Variants in RELN observed in about 807,000 individuals in gnomAD.
The protein encoded by RELN is reelin.
Under a neutral mutation model 427.6 loss-of-function variants are expected in RELN, and 108 were observed. That is an observed-to-expected ratio of 0.25 (90% CI 0.22 to 0.30). RELN has a LOEUF of 0.30. Among genes scored for constraint, RELN ranks in the 10% least tolerant of loss-of-function variants. The probability of loss-of-function intolerance (pLI) is 1.00; values close to 1 mark genes in which losing one functional copy is unlikely to be tolerated. For synonymous variants in RELN, 1,524 were observed against 1,513.4 expected (o/e 1.01, Z -0.16); for missense variants, 3,715 against 4,302.8 (o/e 0.86, Z 3.82).
Position 103,545,155 on chromosome 7 carries a change from T to C in RELN, c.6492A>G (p.Lys2164=), listed in dbSNP as rs1289135212. 1 of 1,613,988 alleles carries C rather than the reference T, an allele frequency of 6.2e-7. No homozygotes were observed. The highest frequency in any genetic ancestry group is 1.1e-5 in the South Asian group (1 of 91,058). Residue 2164 remains lysine (K), a synonymous_variant, in exon 42 of 65, where the codon AAA becomes AAG. Coordinates refer to ENST00000428762, the MANE Select transcript of RELN (RefSeq NM_005045.4). ...YSGPTCKIST[K]NPDFLKDDFE... ...AATCATCTTTGAGAAAATCAGGATT[T>C]TTGGTGCTTATTTTACAGGTTGGAC...
chr7:103,684,448 T>G (rs1562955856), intron 10 of RELN, among the ~76,000 whole-genome samples: 1 of 152,176 alleles, frequency 6.6e-6, no homozygotes, highest in Non-Finnish European at 1.5e-5. Context: ...GCTTCCTTGG[T>G]TAGGCATTGC....
intron 36 of RELN, among the ~76,000 whole-genome samples, chr7:103,558,787 TA>T (rs3840639): frequency 0.23 from 34,924 of 152,142 alleles, 4,210 homozygotes; most frequent in Middle Eastern, 0.32. Flanking sequence ...GCAAATAGCC[TA>T]AGGTCCAGAC....
chr7:103,795,830 G>C (rs541594745), intron 3 of RELN, among the ~76,000 whole-genome samples: 1 of 152,196 alleles, frequency 6.6e-6, no homozygotes, highest in Admixed American at 6.5e-5. Flanking sequence ...TTCTGGATAA[G>C]TAGCAACAAG....
chr7:103,516,362 T>G (rs2117078772), intron 49 of RELN, among the ~76,000 whole-genome samples: 1 of 151,566 alleles, frequency 6.6e-6, no homozygotes, highest in East Asian at 1.9e-4. Flanking sequence ...CTCGGCTCAC[T>G]GCAACCTCCG....
intron 24 of RELN, among the ~76,000 whole-genome samples, chr7:103,602,883 G>T (rs1270403548): frequency 6.6e-6 from 1 of 152,084 alleles, no homozygotes; most frequent in African/African-American, 2.4e-5. Context: ...CAGGCAATCT[G>T]GCTCCAGAGT....
At chr7:103,683,739 A>G (rs1394855354) in intron 10 of RELN, among the ~76,000 whole-genome samples, 1 of 152,168 alleles carries the variant, frequency 6.6e-6, no homozygotes, top group Non-Finnish European at 1.5e-5. Flanking sequence ...TTGCTCTTTG[A>G]AAATTCTCTT....
Position 103,510,057 on chromosome 7 carries a change from C to A in RELN, c.8274+794G>T, listed in dbSNP as rs184557826. On this transcript the variant is annotated intron_variant, in intron 51 of 64. Transcript: ENST00000428762. ...CTGTTGGTGGGAGTGTAAAGTAGTGCAACCATCGTGGAAGACAGTGTGGCA... is the reference window on the plus strand; with the variant it reads ...CTGTTGGTGGGAGTGTAAAGTAGTGAAACCATCGTGGAAGACAGTGTGGCA... 3.9e-5 allele frequency among the ~76,000 whole-genome samples: 6 copies of A among 152,314 alleles called. No individual in the cohort carries two copies. The East Asian group carries it at 1.2e-3, about 29-fold the overall frequency.
intron 13 of RELN, among the ~76,000 whole-genome samples, chr7:103,653,186 G>C (rs1454549694): frequency 6.6e-6 from 1 of 152,044 alleles, no homozygotes; most frequent in African/African-American, 2.4e-5. Flanking sequence ...AAATAGGACA[G>C]AAACAACCAG....
rs1038416199 is a variant in RELN at position 103,661,490 on chromosome 7, C to G, written c.1327G>C (p.Gly443Arg). ...ATTGATAAGCCTGATTCTATCGTTC[C>G]ACATTCTGTACCAATGACAGCTCCC... ...VLGAVIGTEC[G>R]TIESGLSMVF... The change falls in exon 12 of 65, where the codon GGA becomes CGA. Residue 443 changes from glycine (G) to arginine (R), a missense_variant. Physicochemically the swap from Gly to Arg is moderately radical, Grantham distance 125. This residue lies in a region of RELN where 2,208 missense variants were observed against 2,361.7 expected (regional missense o/e 0.93). Coordinates refer to ENST00000428762, the MANE Select transcript of RELN (RefSeq NM_005045.4). 1 of 1,613,700 alleles carries G rather than the reference C, an allele frequency of 6.2e-7. No individual in the cohort carries two copies. The highest frequency in any genetic ancestry group is 8.5e-7 in the Non-Finnish European group (1 of 1,179,804).
chr7:103,793,574 G>C (rs1366093722), intron 3 of RELN, among the ~76,000 whole-genome samples: 1 of 152,102 alleles, frequency 6.6e-6, no homozygotes, highest in African/African-American at 2.4e-5. Context: ...TACCAGCTCT[G>C]TCATTAGTAA....
intron 2 of RELN, among the ~76,000 whole-genome samples, chr7:103,907,955 C>T (rs550147378): frequency 6.6e-6 from 1 of 151,978 alleles, no homozygotes; most frequent in Non-Finnish European, 1.5e-5. Flanking sequence ...CCTCTCCTTG[C>T]CCCCTTACCC....
intron 6 of RELN, among the ~76,000 whole-genome samples, chr7:103,747,323 T>C (rs991501318): frequency 6.6e-6 from 1 of 151,888 alleles, no homozygotes; most frequent in African/African-American, 2.4e-5. Context: ...AAATGACAAC[T>C]TAACGGGTGC....
chr7:103,873,663 T>C lies in RELN; in HGVS notation c.338-39991A>G, dbSNP rs993802360. 2.2e-5 allele frequency among the ~76,000 whole-genome samples: 3 copies of C among 137,738 alleles called. No homozygotes were observed. The East Asian group carries it at 6.7e-4, about 31-fold the overall frequency. The allele number at this position is 137,738 out of a possible 152,430, so 90.4% of individuals were successfully genotyped here. A position where few individuals can be genotyped will look rare whatever the true frequency, so the allele number is the denominator to read the frequency against. On this transcript the variant is annotated intron_variant, in intron 2 of 64. Coordinates refer to ENST00000428762, the MANE Select transcript of RELN (RefSeq NM_005045.4). The stretch of plus-strand genomic sequence containing the variant: ...CTCCCAAGACTAAACCAGGAAGAAG[T>C]TGAATCTCTGAATAGACCAATAACA...
intron 63 of RELN, among the ~76,000 whole-genome samples, chr7:103,479,661 A>G (rs1459125387): frequency 1.3e-5 from 2 of 152,132 alleles, no homozygotes; most frequent in African/African-American, 4.8e-5. Context: ...GTATGTCCAT[A>G]TTTATGAAAA....
intron 51 of RELN, among the ~76,000 whole-genome samples, chr7:103,509,576 A>C (rs1013671386): frequency 1.3e-5 from 2 of 152,254 alleles, no homozygotes; most frequent in Non-Finnish European, 2.9e-5. Context: ...AGGCAATACC[A>C]TTCAGGACAT....
rs143125933 is a variant in RELN, at chr7:103,883,464, G to A, written c.337+33611C>T. On this transcript the variant is annotated intron_variant, in intron 2 of 64. Transcript: ENST00000428762. ...CAGGCAAGAGAAAGAAATAAGGGGT[G>A]TTCGAATAGGAAAAGAGGAAGTCAA... is the stretch of plus-strand genomic sequence containing the variant. Among the ~76,000 whole-genome samples the A allele has an allele frequency of 3.9e-3, 600 of 152,292 alleles. 22 individuals are homozygous for A. The East Asian group carries it at 0.072, about 18-fold the overall frequency.
Position 103,746,287 on chromosome 7 carries a change from A to C in RELN, c.656+3139T>G, listed in dbSNP as rs562963156. ...TAATTCAAGATGGATTAAAGACTTAAATGTTAGACCTAAAACCATAAAAAC... is the reference window on the plus strand; with the variant it reads ...TAATTCAAGATGGATTAAAGACTTACATGTTAGACCTAAAACCATAAAAAC... On this transcript the variant is annotated intron_variant, in intron 6 of 64. Coordinates refer to ENST00000428762, the MANE Select transcript of RELN (RefSeq NM_005045.4). Among the ~76,000 whole-genome samples, 129 of 152,348 alleles carry C rather than the reference A, an allele frequency of 8.5e-4. 1 individual carries two copies. Among genetic ancestry groups the C allele is most frequent in the African/African-American group, 2.9e-3 (122 of 41,576 alleles).
chr7:103,678,822 C>A (rs561519679), intron 11 of RELN, among the ~76,000 whole-genome samples: 165 of 152,116 alleles, frequency 1.1e-3, no homozygotes, highest in African/African-American at 3.7e-3. Flanking sequence ...AACTGGCCAC[C>A]CTTGAGTGAG....
intron 4 of RELN, among the ~76,000 whole-genome samples, chr7:103,760,836 A>C (rs1180142626): frequency 6.6e-6 from 1 of 152,182 alleles, no homozygotes; most frequent in African/African-American, 2.4e-5. Context: ...CAAATTAGAC[A>C]TGGGCTCTGA....
Sources: allele counts gnomAD v4.1 joint callset (sites outside exome capture counted in the v4.1 genomes callset), GRCh38; gene constraint gnomAD v4.1.1; regional missense constraint gnomAD v4.1.1; transcripts MANE v1.5; gene names NCBI Gene and HGNC (gene_info 2026-07-23, HGNC 2026-07-21).